The following PLXNA3 variants were observed in gnomAD, a reference collection of about 807,000 sequenced individuals.
PLXNA3 encodes the protein plexin A3, also known as plexin-A3.
In PLXNA3, 52 loss-of-function variants were observed where a neutral mutation model predicts 118.8. The ratio of observed to expected loss-of-function variants is 0.44; its 90% CI spans 0.35 to 0.55. The LOEUF (loss-of-function observed/expected upper bound fraction) is 0.55. Ranked by LOEUF, PLXNA3 falls within the 20% of genes least tolerant of loss-of-function variation. The pLI is 0.01. For missense variants in PLXNA3, 1,660 were observed against 1,730.8 expected, an observed-to-expected ratio of 0.96 and a Z score of 0.73; for synonymous variants, 925 against 762.4, an observed-to-expected ratio of 1.21 and a Z score of -3.51.
Position 154,460,149 on chromosome X carries a change from C to T in PLXNA3, c.-27-8C>T, listed in dbSNP as rs1557203118. ...GGCCTCTGACTCCCACACACCGTCT[C>T]TCCCTAGGCCTGTCCCCAGGCGCGG... On this transcript the variant is annotated splice_polypyrimidine_tract_variant and splice_region_variant and intron_variant, in intron 1 of 32. Coordinates refer to ENST00000369682, the MANE Select transcript of PLXNA3 (RefSeq NM_017514.5). 1 of 1,003,989 alleles carries T rather than the reference C, an allele frequency of 1.0e-6. No homozygotes were observed. Among genetic ancestry groups the T allele is most frequent in the East Asian group, 3.1e-5 (1 of 32,758 alleles). 82.7% of individuals were successfully genotyped at this position (1,003,989 alleles called of 1,213,427 possible).
intron 3 of PLXNA3, among the ~76,000 whole-genome samples, 191 bp downstream of exon 3, chrX:154,461,829 C>G (rs924138262): frequency 5.3e-5 from 6 of 112,260 alleles, no homozygotes; most frequent in Admixed American, 9.3e-5. Flanking sequence ...CTGCCCAGTG[C>G]CCCACTTCTG....
In PLXNA3 at chrX:154,464,153, C is replaced by T. The variant is rs782437264; in HGVS notation, c.1672-4C>T. ...CCCTGCCCTGAGCCCTCTGCTTCCC[C>T]CAGCTGACCGTCACCCTGCACAACG... On this transcript the variant is annotated splice_region_variant and splice_polypyrimidine_tract_variant and intron_variant, in intron 7 of 32. Coordinates refer to ENST00000369682, the MANE Select transcript of PLXNA3 (RefSeq NM_017514.5). The T allele has an allele frequency of 1.7e-5, 20 of 1,206,967 alleles. No individual in the cohort carries two copies. The highest frequency in any genetic ancestry group is 2.1e-5 in the Non-Finnish European group (19 of 893,150).
chrX:154,461,584 G>T lies in PLXNA3; in HGVS notation c.1080G>T (p.Glu360Asp). The stretch of plus-strand genomic sequence containing the variant: ...GCATCCAGTCCTGCTATCGTGGGGA[G>T]GGCACTCTGGCTCTGCCCTGGCTGC... ...RRRIQSCYRG[E>D]GTLALPWLLN... Residue 360 changes from glutamate to aspartate, a missense_variant, in exon 3 of 33, where the codon GAG becomes GAT. This residue lies in a region of PLXNA3 where 791 missense variants were observed against 652.1 expected (regional missense o/e 1.21). Coordinates refer to ENST00000369682, the MANE Select transcript of PLXNA3 (RefSeq NM_017514.5). 8.3e-7 allele frequency: 1 copy of T among 1,205,210 alleles called. No homozygotes were observed. Among genetic ancestry groups the T allele is most frequent in the Non-Finnish European group, 1.1e-6 (1 of 894,868 alleles).
chrX:154,461,070 G>A lies in PLXNA3; in HGVS notation c.595-29G>A, dbSNP rs200494870. 658 of 1,158,703 alleles carry A rather than the reference G, an allele frequency of 5.7e-4. 2 individuals carry two copies. The highest frequency in any genetic ancestry group is 6.9e-4 in the Non-Finnish European group (597 of 859,176). On this transcript the variant is annotated intron_variant, in intron 2 of 32. Coordinates refer to ENST00000369682, the MANE Select transcript of PLXNA3 (RefSeq NM_017514.5). ...CGTGATGTTGGCACAGGGCCTCACC[G>A]GATGCTGTCTCCTCCCCCTGCTCCC...
In PLXNA3 at chrX:154,466,522, G is replaced by A. The variant is rs1470499220; in HGVS notation, c.2936+10G>A. ...AGTGCCAGTTTGTAAGGTGGGCCGG[G>A]GCCCTGCCAGCTTTGGGTTGGGCAT... is the stretch of plus-strand genomic sequence containing the variant. On this transcript the variant is annotated intron_variant, in intron 16 of 32. Transcript: ENST00000369682. The A allele has an allele frequency of 5.0e-6, 6 of 1,202,582 alleles. No individual in the cohort carries two copies. Among genetic ancestry groups the A allele is most frequent in the South Asian group, 3.6e-5 (2 of 56,091 alleles).
chrX:154,462,143 G>T lies in PLXNA3; in HGVS notation c.1150G>T (p.Gly384Cys). Residue 384 changes from glycine (G) to cysteine (C), a missense_variant, in exon 4 of 33, where the codon GGC becomes TGC. By Grantham distance (159) the Gly-to-Cys change is radical. Coordinates refer to ENST00000369682, the MANE Select transcript of PLXNA3 (RefSeq NM_017514.5). ...PCINTPMQIN[G>C]NFCGLVLNQP... ...GTTTCACCAGCCCATGCAGATCAAC[G>T]GCAACTTCTGTGGGCTGGTGTTGAA... is the stretch of plus-strand genomic sequence containing the variant. 8.4e-7 allele frequency: 1 copy of T among 1,195,261 alleles called. No homozygotes were observed. The highest frequency in any genetic ancestry group is 1.8e-5 in the South Asian group (1 of 55,029).
rs1557206341 is a variant in PLXNA3, at chrX:154,464,745, C to A, written c.1929-9C>A. 25 of 1,101,833 alleles carry A rather than the reference C, an allele frequency of 2.3e-5. No individual in the cohort carries two copies. Among genetic ancestry groups the A allele is most frequent in the Non-Finnish European group, 3.1e-5 (25 of 816,795 alleles). 90.8% of individuals were successfully genotyped at this position (1,101,833 alleles called of 1,213,427 possible). A position where few individuals can be genotyped will look rare whatever the true frequency, so the allele number is the denominator to read the frequency against. On this transcript the variant is annotated splice_polypyrimidine_tract_variant and intron_variant, in intron 9 of 32. Coordinates refer to ENST00000369682, the MANE Select transcript of PLXNA3 (RefSeq NM_017514.5). ...TCCTCTGTTATTTCTGAAGCCACTT[C>A]CCCCCCAGGTGCATGTCCTGTGTTG...
chrX:154,476,323 G>A lies in PLXNA3; in HGVS notation c.*3638G>A, dbSNP rs1452392713. The A allele has an allele frequency of 9.1e-6, 1 of 109,533 alleles. No homozygotes were observed. The highest frequency in any genetic ancestry group is 1.9e-5 in the Non-Finnish European group (1 of 52,536). 9.0% of individuals were successfully genotyped at this position (109,533 alleles called of 1,213,427 possible). ...AATACAAAATTAGCTGGGCGTGGTG[G>A]TGCATGCCTGTAATTCTAGCTACTT... On this transcript the variant is annotated 3_prime_UTR_variant, in exon 33 of 33. Coordinates refer to ENST00000369682, the MANE Select transcript of PLXNA3 (RefSeq NM_017514.5).
In PLXNA3 at chrX:154,461,086, C is replaced by G. The variant is rs1406366054; in HGVS notation, c.595-13C>G. Reference sequence around the variant, plus strand: ...GGCCTCACCGGATGCTGTCTCCTCCCCCTGCTCCCCAGGTGTACCAGGATG... The same window carrying G: ...GGCCTCACCGGATGCTGTCTCCTCCGCCTGCTCCCCAGGTGTACCAGGATG... On this transcript the variant is annotated splice_polypyrimidine_tract_variant and intron_variant, in intron 2 of 32. Transcript: ENST00000369682. 5 of 1,178,806 alleles carry G rather than the reference C, an allele frequency of 4.2e-6. No individual in the cohort carries two copies. Among genetic ancestry groups the G allele is most frequent in the Non-Finnish European group, 5.7e-6 (5 of 873,967 alleles).
At chrX:154,463,563 G>GGGGGGGGGGGGGGGGGGGGGGGGGC in intron 5 of PLXNA3, 27 bp from the exon 6 acceptor site, 1 of 990,600 alleles carries the variant, frequency 1.0e-6, no homozygotes, top group Non-Finnish European at 1.4e-6. Flanking sequence ...GCGGGGGTGG[G>GGGGGGGGGGGGGGGGGGGGGGGGGC]CTGGGTGCTG....
At chrX:154,461,740 G>A in intron 3 of PLXNA3, 102 bp downstream of exon 3, 1 of 859,400 alleles carries the variant, frequency 1.2e-6, no homozygotes, top group South Asian at 2.4e-5. Context: ...CTTTGCCATG[G>A]CCCTGGGAGT....
Position 154,461,082 on chromosome X carries a change from C to T in PLXNA3, c.595-17C>T. ...ACAGGGCCTCACCGGATGCTGTCTC[C>T]TCCCCCTGCTCCCCAGGTGTACCAG... is the stretch of plus-strand genomic sequence containing the variant. On this transcript the variant is annotated splice_polypyrimidine_tract_variant and intron_variant, in intron 2 of 32. Coordinates refer to ENST00000369682, the MANE Select transcript of PLXNA3 (RefSeq NM_017514.5). 2 of 1,176,588 alleles carry T rather than the reference C, an allele frequency of 1.7e-6. No individual in the cohort carries two copies. The highest frequency in any genetic ancestry group is 2.3e-6 in the Non-Finnish European group (2 of 872,200).
In PLXNA3 at chrX:154,473,580, G is replaced by A. The variant is rs1451043963; in HGVS notation, c.*895G>A. On this transcript the variant is annotated 3_prime_UTR_variant, in exon 33 of 33. Transcript: ENST00000369682. ...CAGACCCCCCGTTCTCTCCTCTTTA[G>A]TTGCATGAGTTTTTCTTTGTTCATG... 1 of 113,027 alleles carries A rather than the reference G, an allele frequency of 8.8e-6. No homozygotes were observed. The highest frequency in any genetic ancestry group is 1.9e-5 in the Non-Finnish European group (1 of 53,287). 9.3% of individuals were successfully genotyped at this position (113,027 alleles called of 1,213,427 possible). A position where few individuals can be genotyped will look rare whatever the true frequency, so the allele number is the denominator to read the frequency against.
chrX:154,465,244 T>C, intron 11 of PLXNA3, 26 bp downstream of exon 11: 1 of 1,174,069 alleles, frequency 8.5e-7, no homozygotes. Flanking sequence ...CTGCCTCCCT[T>C]CGGGGTCTGG....
rs782408788 is a variant in PLXNA3, at chrX:154,461,462, A to G, written c.958A>G (p.Ile320Val). Residue 320 changes from isoleucine to valine, a missense_variant, in exon 3 of 33, where the codon ATC (isoleucine) becomes GTC (valine). Physicochemically the swap from Ile to Val is conservative, Grantham distance 29 (BLOSUM62 3). Transcript: ENST00000369682. ...GGCTGATGAGGACGTCCTCTTCACC[A>G]TCTTCTCTCAGGGCCAGAAGAACCG... Reference protein sequence around the residue: ...VPADEDVLFTIFSQGQKNRAS... With the variant: ...VPADEDVLFTVFSQGQKNRAS... 3.7e-4 allele frequency: 452 copies of G among 1,210,221 alleles called. 3 individuals are homozygous for G. In the South Asian group the frequency reaches 7.2e-3, roughly 19 times the overall value.
At chrX:154,464,934 C>T (rs1557206433) in intron 10 of PLXNA3, 66 bp downstream of exon 10, 12 of 1,071,303 alleles carry the variant, frequency 1.1e-5, no homozygotes, top group Admixed American at 8.0e-5. Flanking sequence ...GGCTTCTATG[C>T]GTTCTCGGTT....
At position 154,464,089 on chromosome X, in the gene PLXNA3, G is replaced by A; in HGVS notation, c.1671+15G>A. On this transcript the variant is annotated intron_variant, in intron 7 of 32. Transcript: ENST00000369682. ...CTGGGGTGCAGGTGAGCAGCTTGGG[G>A]GTGCCCGGCTGGGTGTGCACATGTG... is the stretch of plus-strand genomic sequence containing the variant. 2 of 1,211,110 alleles carry A rather than the reference G, an allele frequency of 1.7e-6. No individual in the cohort carries two copies. The highest frequency in any genetic ancestry group is 3.5e-5 in the South Asian group (2 of 56,948).
intron 31 of PLXNA3, 74 bp from the exon 32 acceptor site, chrX:154,471,414 G>A: frequency 1.7e-6 from 2 of 1,155,103 alleles, no homozygotes; most frequent in African/African-American, 1.8e-5. Context: ...AAGCCCGGGG[G>A]CTGGCTGGGC....
At chrX:154,465,324 C>A in intron 11 of PLXNA3, 100 bp from the exon 12 acceptor site, 1 of 1,033,745 alleles carries the variant, frequency 9.7e-7, no homozygotes, top group Non-Finnish European at 1.3e-6. Flanking sequence ...GAGTCTCCTG[C>A]TAGGGATTCC....
Sources: allele counts gnomAD v4.1 joint callset (sites outside exome capture counted in the v4.1 genomes callset), GRCh38; gene constraint gnomAD v4.1.1; regional missense constraint gnomAD v4.1.1; transcripts MANE v1.5; gene names NCBI Gene and HGNC (gene_info 2026-07-23, HGNC 2026-07-21).